Variants in ANK2 observed in about 807,000 individuals in gnomAD.
ANK2 encodes the protein ankyrin-2.
Under a neutral mutation model 360.5 loss-of-function variants are expected in ANK2, and 83 were observed. The ratio of observed to expected loss-of-function variants is 0.23; its 90% CI spans 0.19 to 0.28. The LOEUF is 0.28. Among genes scored for constraint, ANK2 ranks in the 10% least tolerant of loss-of-function variants. ANK2 has a pLI of 1.00. For missense variants in ANK2, 4,201 were observed against 4,795.7 expected (o/e 0.88, Z 3.66); for synonymous variants, 1,740 against 1,759.5 (o/e 0.99, Z 0.28).
intron 1 of ANK2, chr4:113,174,167 T>G (rs774637018): frequency 1.8e-5 from 7 of 380,604 alleles, no homozygotes; most frequent in Admixed American, 3.7e-5. Context: ...CAGTAACAAT[T>G]ATTTCCATTT....
chr4:113,223,083 T>C (rs1447269296), intron 4 of ANK2, among the ~76,000 whole-genome samples: 1 of 152,200 alleles, frequency 6.6e-6, no homozygotes, highest in Non-Finnish European at 1.5e-5. Flanking sequence ...CTTCACAATA[T>C]ATTTAGGGAA....
At chr4:113,377,915 A>G (rs577432430) in intron 45 of ANK2, among the ~76,000 whole-genome samples, 1 of 152,326 alleles carries the variant, frequency 6.6e-6, no homozygotes, top group South Asian at 2.1e-4. Context: ...AAATGAGAGA[A>G]ACTAAAAGGA....
intron 1 of ANK2, among the ~76,000 whole-genome samples, chr4:112,892,582 A>T (rs908183052): frequency 6.6e-6 from 1 of 152,238 alleles, no homozygotes; most frequent in African/African-American, 2.4e-5. Flanking sequence ...CTTTATGAAT[A>T]TAAAGTACTT....
At chr4:113,104,417 T>C (rs377184944) in intron 1 of ANK2, among the ~76,000 whole-genome samples, 6 of 152,112 alleles carry the variant, frequency 3.9e-5, no homozygotes, top group African/African-American at 1.4e-4. Flanking sequence ...GTGAAAAACA[T>C]GTATAATTTG....
intron 1 of ANK2, among the ~76,000 whole-genome samples, chr4:113,161,077 C>T (rs1026064771): frequency 6.6e-6 from 1 of 152,152 alleles, no homozygotes; most frequent in East Asian, 1.9e-4. Flanking sequence ...GGCATCTGGG[C>T]TAAAGTTTAG....
chr4:113,081,811 A>AT (rs34896741), intron 1 of ANK2, among the ~76,000 whole-genome samples: 10,716 of 143,364 alleles, frequency 0.075, 415 homozygotes, highest in Middle Eastern at 0.11. Context: ...GAAAACACGT[A>AT]TTTTTTTTTT....
intron 1 of ANK2, among the ~76,000 whole-genome samples, chr4:113,107,715 C>T (rs1280637918): frequency 1.3e-5 from 2 of 152,062 alleles, no homozygotes; most frequent in Non-Finnish European, 2.9e-5. Flanking sequence ...TGTTTTGTTT[C>T]AGAACAATAA....
chr4:113,164,409 G>C (rs1363747579), intron 1 of ANK2, among the ~76,000 whole-genome samples: 2 of 152,232 alleles, frequency 1.3e-5, no homozygotes, highest in African/African-American at 4.8e-5. Context: ...TTAAGTAATT[G>C]TGAAGTTTTA....
rs786205725 is a variant in ANK2, at chr4:113,318,526, C to G, written c.2806C>G (p.Leu936Val). 1 of 1,613,536 alleles carries G rather than the reference C, an allele frequency of 6.2e-7. No individual in the cohort carries two copies. Residue 936 changes from leucine to valine, a missense_variant, in exon 26 of 46, where the codon CTA (leucine) becomes GTA (valine). Around this residue, in one of 4 missense-constraint regions of ANK2, gnomAD observed 1,268 missense variants for 1,650.8 expected, o/e 0.77. Transcript: ENST00000357077. Reference protein sequence around the residue: ...VVIPSHQVSTLAKEAERNSYR... With the variant: ...VVIPSHQVSTVAKEAERNSYR... ...TGTTCTTTGTGTTTAGGTGTCAACT[C>G]TAGCCAAGGAGGCAGAAAGGAATTC... is the stretch of plus-strand genomic sequence containing the variant.
chr4:113,187,119 A>C (rs1485585), intron 2 of ANK2, among the ~76,000 whole-genome samples: 5,720 of 151,454 alleles, frequency 0.038, 167 homozygotes, highest in Non-Finnish European at 0.055. Context: ...TGCAGGCTGG[A>C]GTGGGCAGAG....
At chr4:113,104,166 A>T (rs2093326641) in intron 1 of ANK2, among the ~76,000 whole-genome samples, 1 of 152,174 alleles carries the variant, frequency 6.6e-6, no homozygotes, top group Non-Finnish European at 1.5e-5. Context: ...TAGGTGAAAC[A>T]CTACCACCTT....
At chr4:113,112,060 A>G (rs1318714190) in intron 1 of ANK2, among the ~76,000 whole-genome samples, 1 of 152,192 alleles carries the variant, frequency 6.6e-6, no homozygotes, top group Non-Finnish European at 1.5e-5. Flanking sequence ...TGTGTATGCT[A>G]ATAAGATGGG....
the ANK2 span, among the ~76,000 whole-genome samples, chr4:112,716,043 A>C: frequency 6.6e-6 from 1 of 152,200 alleles, no homozygotes; most frequent in Admixed American, 6.5e-5. Context: ...ATGCACAATA[A>C]ATGTCAGCCT....
chr4:113,292,277 G>T (rs2068096350), intron 20 of ANK2, 139 bp from the exon 21 acceptor site: 7 of 797,202 alleles, frequency 8.8e-6, no homozygotes, highest in African/African-American at 1.7e-5. Flanking sequence ...TGAGAAATGG[G>T]TTGCTGATCA....
At chr4:112,899,230 A>T (rs1262277813) in intron 1 of ANK2, among the ~76,000 whole-genome samples, 1 of 152,218 alleles carries the variant, frequency 6.6e-6, no homozygotes, top group Non-Finnish European at 1.5e-5. Context: ...CAGAATACAG[A>T]TGTGACATTA....
At chr4:113,306,365 A>T in intron 23 of ANK2, among the ~76,000 whole-genome samples, 1 of 152,174 alleles carries the variant, frequency 6.6e-6, no homozygotes, top group Non-Finnish European at 1.5e-5. Flanking sequence ...TACAAGAGAG[A>T]GACACAGAGT....
In ANK2 at chr4:113,150,408, T is replaced by C. The variant is rs886746409; in HGVS notation, c.85-24008T>C. Among the ~76,000 whole-genome samples the C allele has an allele frequency of 2.0e-5, 3 of 152,186 alleles. No individual in the cohort carries two copies. In the South Asian group the frequency reaches 6.2e-4, roughly 31 times the overall value. ...AGCTGAACTAGTTGTTAAATATTTT[T>C]AATATCCATCCTGCCAGTGGAGAAG... is the stretch of plus-strand genomic sequence containing the variant. On this transcript the variant is annotated intron_variant, in intron 1 of 45. Coordinates refer to ENST00000357077, the MANE Select transcript of ANK2 (RefSeq NM_001148.6).
At chr4:113,249,699 G>A in intron 9 of ANK2, 65 bp from the exon 10 acceptor site, 1 of 1,457,486 alleles carries the variant, frequency 6.9e-7, no homozygotes, top group Non-Finnish European at 9.6e-7. Context: ...CTTTATGGTT[G>A]CAATAGATGA....
In ANK2 at chr4:113,382,179, C is replaced by T. The variant is rs754944447; in HGVS notation, c.*708C>T. On this transcript the variant is annotated 3_prime_UTR_variant, in exon 46 of 46. Transcript: ENST00000357077. ...ATCGAGTGATAATACAGTTTTACTG[C>T]AAAAGAAGCACTTCAAACCTATTAT... The T allele has an allele frequency of 2.9e-4, 47 of 164,218 alleles. No homozygotes were observed. The highest frequency in any genetic ancestry group is 4.3e-4 in the Non-Finnish European group (32 of 73,596). 10.2% of individuals were successfully genotyped at this position (164,218 alleles called of 1,614,324 possible).
Sources: gnomAD v4.1 joint callset for allele counts (sites outside exome capture counted in the v4.1 genomes callset) on GRCh38, gnomAD v4.1.1 for gene constraint, gnomAD v4.1.1 regional missense constraint, MANE v1.5 for transcripts, NCBI Gene and HGNC (gene_info 2026-07-23, HGNC 2026-07-21) for gene names.